CTNNA3: variants seen among roughly 807,000 people sequenced by gnomAD.
CTNNA3 encodes the protein catenin alpha 3.
Under a neutral mutation model 95.7 loss-of-function variants are expected in CTNNA3, and 76 were observed. The ratio of observed to expected loss-of-function variants is 0.79; its 90% CI spans 0.66 to 0.96. The LOEUF is 0.96. Among genes scored for constraint, CTNNA3 ranks in the 40% least tolerant of loss-of-function variants. The probability of loss-of-function intolerance (pLI) is 0.00; values close to 1 mark genes in which losing one functional copy is unlikely to be tolerated. For synonymous variants in CTNNA3, 431 were observed against 374.4 expected (o/e 1.15, Z -1.74); for missense variants, 1,191 against 1,089.8 (o/e 1.09, Z -1.31).
intron 7 of CTNNA3, among the ~76,000 whole-genome samples, chr10:66,813,861 TG>T: frequency 6.6e-6 from 1 of 151,862 alleles, no homozygotes; most frequent in Non-Finnish European, 1.5e-5. Flanking sequence ...TGTGTGTGTG[TG>T]TGTGTGTGTT....
intron 7 of CTNNA3, among the ~76,000 whole-genome samples, chr10:66,852,771 T>C (rs2132386245): frequency 6.6e-6 from 1 of 152,282 alleles, no homozygotes. Context: ...ATTTTTAAAA[T>C]AAAAGACACT....
intron 7 of CTNNA3, among the ~76,000 whole-genome samples, chr10:67,119,047 A>C (rs1489845707): frequency 6.6e-6 from 1 of 151,946 alleles, no homozygotes; most frequent in Non-Finnish European, 1.5e-5. Context: ...GGGACTAAGA[A>C]AGTAGGCCAA....
chr10:67,328,884 GT>G (rs1841666832), intron 5 of CTNNA3, among the ~76,000 whole-genome samples: 1 of 151,950 alleles, frequency 6.6e-6, no homozygotes, highest in Non-Finnish European at 1.5e-5. Context: ...GACTTATTTG[GT>G]TTTGAAACTT....
chr10:67,726,582 A>T (rs1589582288), intron 1 of CTNNA3, among the ~76,000 whole-genome samples: 1 of 70,282 alleles, frequency 1.4e-5, no homozygotes, highest in African/African-American at 7.0e-5. Flanking sequence ...CATATTATAT[A>T]ATATGTAATA....
At chr10:66,939,518 T>G (rs1013394310) in intron 7 of CTNNA3, among the ~76,000 whole-genome samples, 9 of 152,198 alleles carry the variant, frequency 5.9e-5, no homozygotes, top group African/African-American at 2.2e-4. Context: ...ACTCTTTTGT[T>G]TGGGCCTATA....
At position 67,185,266 on chromosome 10, in the gene CTNNA3, T is replaced by A. The variant is rs1435820113; in HGVS notation, c.844-4746A>T. On this transcript the variant is annotated intron_variant, in intron 6 of 17. Coordinates refer to ENST00000433211, the MANE Select transcript of CTNNA3 (RefSeq NM_013266.4). ...CCTCAGCCTCCCAAGTAGCTGGGAC[T>A]ACAGGTACACGTCACCACATCCAGC... Among the ~76,000 whole-genome samples, 3 of 152,026 alleles carry A rather than the reference T, an allele frequency of 2.0e-5. No individual in the cohort carries two copies. The East Asian group carries it at 5.8e-4, about 29-fold the overall frequency.
At chr10:67,454,704 T>C (rs922910408) in intron 5 of CTNNA3, among the ~76,000 whole-genome samples, 1 of 152,078 alleles carries the variant, frequency 6.6e-6, no homozygotes, top group African/African-American at 2.4e-5. Flanking sequence ...TAACATTTTA[T>C]GAACCTCTAC....
rs1015131336 is a variant in CTNNA3, at chr10:65,916,162, A to G, written c.*4168T>C. 6.6e-6 allele frequency: 1 copy of G among 152,110 alleles called. No individual in the cohort carries two copies. Among genetic ancestry groups the G allele is most frequent in the Non-Finnish European group, 1.5e-5 (1 of 68,012 alleles). The allele number at this position is 152,110 out of a possible 1,614,324, so 9.4% of individuals were successfully genotyped here. On this transcript the variant is annotated 3_prime_UTR_variant, in exon 18 of 18. Transcript: ENST00000433211. ...AATTTTCATATAAATAAAAACAGTA[A>G]CATCTCAGGTGGCAGAAATTTTCCT...
chr10:66,912,111 A>G (rs1846248776), intron 7 of CTNNA3, among the ~76,000 whole-genome samples: 1 of 152,216 alleles, frequency 6.6e-6, no homozygotes, highest in African/African-American at 2.4e-5. Flanking sequence ...ATACTGCATC[A>G]TCAGAAGATT....
At chr10:67,609,090 C>CA (rs397977100) in intron 2 of CTNNA3, among the ~76,000 whole-genome samples, 9,595 of 79,406 alleles carry the variant, frequency 0.12, 1,100 homozygotes, top group African/African-American at 0.28. Flanking sequence ...AACTCTATCT[C>CA]AAAAAAAAAA....
At chr10:66,861,912 C>T (rs1336134238) in intron 7 of CTNNA3, among the ~76,000 whole-genome samples, 1 of 152,068 alleles carries the variant, frequency 6.6e-6, no homozygotes, top group Non-Finnish European at 1.5e-5. Context: ...TGGGTTATTT[C>T]TTTAGAAGTT....
chr10:66,926,292 C>T (rs1847069327), intron 7 of CTNNA3: 3 of 524,698 alleles, frequency 5.7e-6, no homozygotes, highest in South Asian at 4.0e-5. Context: ...TCCCCACCCC[C>T]CAAAAAACTG....
intron 7 of CTNNA3, among the ~76,000 whole-genome samples, chr10:66,786,098 C>T (rs1345876081): frequency 1.3e-5 from 2 of 152,156 alleles, no homozygotes; most frequent in African/African-American, 2.4e-5. Flanking sequence ...TGTTCTATGA[C>T]CCACTCCCTC....
rs988469575 is a variant in CTNNA3 at position 66,455,338 on chromosome 10, T to C, written c.1531+65279A>G. ...TAACTGTCCCTATTTACAAGTGATA[T>C]GATCATCTACATAGAAATCCCAAGA... On this transcript the variant is annotated intron_variant, in intron 11 of 17. Transcript: ENST00000433211. 2.0e-5 allele frequency among the ~76,000 whole-genome samples: 3 copies of C among 152,184 alleles called. No homozygotes were observed. In the East Asian group the frequency reaches 5.8e-4, roughly 29 times the overall value.
In CTNNA3 at chr10:66,593,257, C is replaced by T. The variant is rs540196415; in HGVS notation, c.1374+28435G>A. Among the ~76,000 whole-genome samples, 20 of 152,122 alleles carry T rather than the reference C, an allele frequency of 1.3e-4. 1 individual carries two copies. Among genetic ancestry groups the T allele is most frequent in the East Asian group, 3.9e-4 (2 of 5,162 alleles). ...GGGTGAGAACAGAACTAATCTGTAA[C>T]GTTGAAGATTTCTGACTTTTCTGAT... On this transcript the variant is annotated intron_variant, in intron 10 of 17. Coordinates refer to ENST00000433211, the MANE Select transcript of CTNNA3 (RefSeq NM_013266.4).
At chr10:65,954,369 G>A (rs1488483214) in intron 17 of CTNNA3, among the ~76,000 whole-genome samples, 4 of 152,138 alleles carry the variant, frequency 2.6e-5, no homozygotes. Flanking sequence ...TTCTTTTGCT[G>A]TGCAGAAGCT....
At chr10:66,925,773 C>T (rs1589432718) in intron 7 of CTNNA3, 2 of 283,484 alleles carry the variant, frequency 7.1e-6, no homozygotes, top group Non-Finnish European at 1.4e-5. Context: ...CTCTGGGCAG[C>T]ACATGTTTAG....
chr10:66,373,277 C>T (rs2092767814), intron 12 of CTNNA3, among the ~76,000 whole-genome samples: 3 of 152,054 alleles, frequency 2.0e-5, no homozygotes, highest in Admixed American at 2.0e-4. Flanking sequence ...TCTTGCCATT[C>T]TTATTTTAGT....
intron 14 of CTNNA3, among the ~76,000 whole-genome samples, chr10:66,073,485 A>T (rs1389172320): frequency 6.6e-6 from 1 of 152,174 alleles, no homozygotes; most frequent in Non-Finnish European, 1.5e-5. Context: ...ACCTCATCAC[A>T]GAAGGATGAA....
Sources: gnomAD v4.1 joint callset for allele counts (sites outside exome capture counted in the v4.1 genomes callset) on GRCh38, gnomAD v4.1.1 for gene constraint, MANE v1.5 for transcripts, NCBI Gene and HGNC (gene_info 2026-07-23, HGNC 2026-07-21) for gene names.